The following BEAN1 variants were observed in gnomAD, a reference collection of about 807,000 sequenced individuals.
The protein encoded by BEAN1 is brain expressed associated with NEDD4 1.
A neutral mutation model predicts 17.7 loss-of-function variants in BEAN1; 17 were observed. The observed-to-expected ratio is 0.96, with a 90% confidence interval of 0.66 to 1.44. The LOEUF (loss-of-function observed/expected upper bound fraction) is 1.44. Ranked by LOEUF, BEAN1 falls within the 40% of genes most tolerant of loss-of-function variation. The pLI is 0.00. For synonymous variants in BEAN1, 142 were observed against 151.8 expected, an observed-to-expected ratio of 0.94 and a Z score of 0.47; for missense variants, 359 against 374.1, an observed-to-expected ratio of 0.96 and a Z score of 0.33.
chr16:66,457,744 G>C (rs1174305356), intron 2 of BEAN1, among the ~76,000 whole-genome samples: 1 of 151,224 alleles, frequency 6.6e-6, no homozygotes, highest in Non-Finnish European at 1.5e-5. Context: ...GTCTCCTGGT[G>C]ACCAGAGGAC....
intron 4 of BEAN1, among the ~76,000 whole-genome samples, chr16:66,490,619 C>A (rs1185064393): frequency 6.6e-6 from 1 of 152,098 alleles, no homozygotes; most frequent in Non-Finnish European, 1.5e-5. Context: ...CGCCACCTTC[C>A]TGGCGCTTCC....
intron 2 of BEAN1, 81 bp downstream of exon 2, chr16:66,437,782 G>C: frequency 6.8e-7 from 1 of 1,469,970 alleles, no homozygotes; most frequent in South Asian, 1.2e-5. Context: ...AGAACGGCTT[G>C]AGGTGTTTGG....
chr16:66,464,906 T>A (rs1963211088), intron 2 of BEAN1, among the ~76,000 whole-genome samples: 1 of 152,230 alleles, frequency 6.6e-6, no homozygotes, highest in African/African-American at 2.4e-5. Flanking sequence ...TTGCCTAAAT[T>A]GCCCTGGCTA....
chr16:66,488,304 C>T (rs1368600431), intron 4 of BEAN1, among the ~76,000 whole-genome samples: 1 of 152,018 alleles, frequency 6.6e-6, no homozygotes, highest in Non-Finnish European at 1.5e-5. Flanking sequence ...CATTCTAGGC[C>T]TCTCCCTAGG....
intron 4 of BEAN1, chr16:66,478,114 C>T (rs1567508010): frequency 6.1e-6 from 1 of 162,672 alleles, no homozygotes; most frequent in Non-Finnish European, 1.3e-5. Flanking sequence ...GGATCAACTT[C>T]CCCCTAGGGA....
chr16:66,437,821 G>A, intron 2 of BEAN1, 120 bp downstream of exon 2: 2 of 1,290,346 alleles, frequency 1.5e-6, no homozygotes, highest in Non-Finnish European at 2.2e-6. Context: ...CCAACCAGAG[G>A]CTAATGTGGC....
chr16:66,468,400 C>T (rs1265009180), intron 2 of BEAN1, among the ~76,000 whole-genome samples: 1 of 152,224 alleles, frequency 6.6e-6, no homozygotes, highest in Non-Finnish European at 1.5e-5. Flanking sequence ...TACGAAAGAT[C>T]TGACCTTCCT....
At chr16:66,456,228 A>G (rs1257588784) in intron 2 of BEAN1, among the ~76,000 whole-genome samples, 3 of 152,248 alleles carry the variant, frequency 2.0e-5, no homozygotes, top group Non-Finnish European at 4.4e-5. Context: ...GGGATAGCTG[A>G]TGAAAATTCG....
At chr16:66,485,112 T>C (rs1964070011), downstream of BEAN1, 1 of 454,018 alleles carries the variant, frequency 2.2e-6, no homozygotes, top group South Asian at 1.6e-5. Flanking sequence ...GGAGGGTTGA[T>C]ACAGAGTAAG....
chr16:66,453,546 T>C (rs1168220849), intron 2 of BEAN1, among the ~76,000 whole-genome samples: 1 of 152,008 alleles, frequency 6.6e-6, no homozygotes, highest in Non-Finnish European at 1.5e-5. Context: ...TTTTTTTGTA[T>C]ATACAGGATC....
intron 4 of BEAN1, among the ~76,000 whole-genome samples, chr16:66,479,303 G>A (rs1963893980): frequency 6.6e-6 from 1 of 152,126 alleles, no homozygotes; most frequent in Non-Finnish European, 1.5e-5. Context: ...TCTGATGGAG[G>A]TGGAGGTGCA....
intron 3 of BEAN1, 108 bp from the exon 4 acceptor site, chr16:66,477,452 G>A: frequency 8.5e-7 from 1 of 1,179,774 alleles, no homozygotes; most frequent in Non-Finnish European, 1.1e-6. Context: ...GAGAGGAGTG[G>A]TCAGGTGGGG....
chr16:66,442,146 C>T (rs1316983892), intron 2 of BEAN1, among the ~76,000 whole-genome samples: 1 of 152,216 alleles, frequency 6.6e-6, no homozygotes, highest in African/African-American at 2.4e-5. Context: ...AGCCATTTCC[C>T]AGCCTTCAGA....
intron 1 of BEAN1, among the ~76,000 whole-genome samples, chr16:66,436,087 C>T (rs79570627): frequency 6.6e-6 from 1 of 152,096 alleles, no homozygotes. Flanking sequence ...GCTTGGCACT[C>T]ATGATCTCTG....
At chr16:66,443,517 A>G (rs1300667751) in intron 2 of BEAN1, among the ~76,000 whole-genome samples, 1 of 152,168 alleles carries the variant, frequency 6.6e-6, no homozygotes, top group East Asian at 1.9e-4. Flanking sequence ...CTACTCCTTC[A>G]TTGCCACAGC....
At chr16:66,458,970 T>C (rs183334166) in intron 2 of BEAN1, among the ~76,000 whole-genome samples, 489 of 152,320 alleles carry the variant, frequency 3.2e-3, no homozygotes, top group Non-Finnish European at 5.4e-3. Context: ...TGGGGTCCCA[T>C]CTGTGGAATG....
At chr16:66,454,152 T>C (rs896405698) in intron 2 of BEAN1, among the ~76,000 whole-genome samples, 1 of 152,222 alleles carries the variant, frequency 6.6e-6, no homozygotes, top group African/African-American at 2.4e-5. Flanking sequence ...TTGAGACTTG[T>C]TTTATGGCCC....
At chr16:66,444,907 T>A (rs551352924) in intron 2 of BEAN1, among the ~76,000 whole-genome samples, 10 of 152,368 alleles carry the variant, frequency 6.6e-5, no homozygotes, top group African/African-American at 2.4e-4. Flanking sequence ...GAGGCTGGGT[T>A]ATCTGCAGCA....
rs1365306307 is a variant in BEAN1, at chr16:66,434,751, CAT to C, written c.-82-2842_-82-2841del. Reference sequence around the variant, plus strand: ...GCCTGGGAAGCATCTCAGCTTTTTGCATAGAGATCCTCCTCTTCAGCAAGCCA... The same window carrying C: ...GCCTGGGAAGCATCTCAGCTTTTTGCAGAGATCCTCCTCTTCAGCAAGCCA... On this transcript the variant is annotated intron_variant, in intron 1 of 4. Coordinates refer to ENST00000536005, the MANE Select transcript of BEAN1 (RefSeq NM_001178020.3). The surrounding 1 kb of genome is among the most constrained non-coding windows in gnomAD (Gnocchi z 4.3). Among the ~76,000 whole-genome samples the C allele has an allele frequency of 6.6e-6, 1 of 152,130 alleles. No homozygotes were observed. The highest frequency in any genetic ancestry group is 2.4e-5 in the African/African-American group (1 of 41,420).
Sources: gnomAD v4.1 joint callset for allele counts (sites outside exome capture counted in the v4.1 genomes callset) on GRCh38, gnomAD v4.1.1 for gene constraint, Gnocchi (gnomAD v3.1) non-coding constraint, MANE v1.5 for transcripts, NCBI Gene and HGNC (gene_info 2026-07-23, HGNC 2026-07-21) for gene names.